Variants in SESTD1 observed in about 807,000 individuals in gnomAD.
The protein encoded by SESTD1 is SEC14 domain and spectrin repeat-containing protein 1.
SESTD1 carries 43 observed loss-of-function variants against 101.7 expected under a neutral mutation model. The ratio of observed to expected loss-of-function variants is 0.42; its 90% CI spans 0.33 to 0.55. The LOEUF is 0.55. SESTD1 is among the 20% of genes least tolerant of loss of function. The probability of loss-of-function intolerance (pLI) is 0.07; values close to 1 mark genes in which losing one functional copy is unlikely to be tolerated. For missense variants in SESTD1, 647 were observed against 815.1 expected, an observed-to-expected ratio of 0.79 and a Z score of 2.51; for synonymous variants, 283 against 286.8, an observed-to-expected ratio of 0.99 and a Z score of 0.13.
At chr2:179,255,544 G>T (rs2047381716) in intron 1 of SESTD1, among the ~76,000 whole-genome samples, 1 of 152,202 alleles carries the variant, frequency 6.6e-6, no homozygotes, top group African/African-American at 2.4e-5. Context: ...TGAGAGGTGA[G>T]GAAGCTCCAG....
intron 13 of SESTD1, among the ~76,000 whole-genome samples, chr2:179,118,707 T>C (rs781500294): frequency 3.9e-5 from 6 of 152,246 alleles, no homozygotes; most frequent in Non-Finnish European, 5.9e-5. Flanking sequence ...TTGATGAAGA[T>C]GGTATCATAC....
chr2:179,162,824 A>G (rs1330882145), intron 5 of SESTD1, among the ~76,000 whole-genome samples: 2 of 1,296 alleles, frequency 1.5e-3, no homozygotes, highest in Non-Finnish European at 8.8e-3. Flanking sequence ...GTCTCTAGTA[A>G]AAAAAAAAAA....
At position 179,172,230 on chromosome 2, in the gene SESTD1, C is replaced by T. The variant is rs779534520; in HGVS notation, c.259G>A (p.Val87Ile). The T allele has an allele frequency of 6.3e-7, 1 of 1,581,602 alleles. No individual in the cohort carries two copies. The highest frequency in any genetic ancestry group is 8.6e-7 in the Non-Finnish European group (1 of 1,158,450). The stretch of plus-strand genomic sequence containing the variant: ...ACAAGGGACACCTCAGCTGGAACAA[C>T]ATTCTATAAAATACAGAAAAATAAT... ...VKTVVVMLQNVVPAEVSLVCV... is the reference protein window; with the variant it reads ...VKTVVVMLQNIVPAEVSLVCV... Residue 87 changes from valine to isoleucine, a missense_variant, in exon 5 of 18, where the codon GTT (valine) becomes ATT (isoleucine). By Grantham distance (29) the Val-to-Ile change is conservative. Transcript: ENST00000428443.
chr2:179,206,727 G>T lies in SESTD1; in HGVS notation c.-25-14861C>A, dbSNP rs183265451. 2.9e-3 allele frequency among the ~76,000 whole-genome samples: 390 copies of T among 135,172 alleles called. 94 individuals carry two copies. Among genetic ancestry groups the T allele is most frequent in the African/African-American group, 0.011 (360 of 34,268 alleles). 88.7% of individuals were successfully genotyped at this position (135,172 alleles called of 152,430 possible). ...AGATACAAGCACAGAAGCCACAGCTGACCATGCAGGTGGGCAGGCAGGGAG... is the reference window on the plus strand; with the variant it reads ...AGATACAAGCACAGAAGCCACAGCTTACCATGCAGGTGGGCAGGCAGGGAG... On this transcript the variant is annotated intron_variant, in intron 1 of 17. Transcript: ENST00000428443.
intron 1 of SESTD1, among the ~76,000 whole-genome samples, chr2:179,226,301 G>A (rs2046884806): frequency 6.6e-6 from 1 of 152,018 alleles, no homozygotes; most frequent in African/African-American, 2.4e-5. Flanking sequence ...GAGAAGACAG[G>A]AGACCAATTC....
chr2:179,236,386 A>G (rs1302207693), intron 1 of SESTD1, among the ~76,000 whole-genome samples: 2 of 150,482 alleles, frequency 1.3e-5, no homozygotes, highest in East Asian at 3.9e-4. Flanking sequence ...AGCCCTAGCT[A>G]CTTGCGAGGC....
chr2:179,128,438 C>T (rs1011250023), intron 10 of SESTD1, among the ~76,000 whole-genome samples: 4 of 151,984 alleles, frequency 2.6e-5, no homozygotes, highest in South Asian at 2.1e-4. Context: ...TCCTAAAAAA[C>T]GGGTATGTAC....
chr2:179,197,744 C>A (rs1482302374), intron 1 of SESTD1, among the ~76,000 whole-genome samples: 30 of 151,974 alleles, frequency 2.0e-4, no homozygotes, highest in Admixed American at 2.0e-3. Flanking sequence ...AAATCCTTTA[C>A]AGACAAGCAA....
chr2:179,261,690 T>G (rs13432031), intron 1 of SESTD1, among the ~76,000 whole-genome samples: 44,096 of 151,588 alleles, frequency 0.29, 6,723 homozygotes, highest in South Asian at 0.44. Context: ...TACATTGCTA[T>G]AACCCTACAT....
At chr2:179,146,290 C>A (rs946405892) in intron 8 of SESTD1, 112 bp downstream of exon 8, 4 of 1,011,238 alleles carry the variant, frequency 4.0e-6, no homozygotes, top group South Asian at 1.5e-5. Flanking sequence ...AAAATTTCCC[C>A]TTGAGTTCCT....
chr2:179,206,559 C>T (rs2046593575), intron 1 of SESTD1, among the ~76,000 whole-genome samples: 1 of 135,474 alleles, frequency 7.4e-6, no homozygotes, highest in Admixed American at 7.1e-5. Flanking sequence ...CACAGAGGTC[C>T]CTTAGGGAAG....
chr2:179,170,902 T>C (rs771160654), intron 5 of SESTD1, among the ~76,000 whole-genome samples: 1 of 152,224 alleles, frequency 6.6e-6, no homozygotes, highest in Non-Finnish European at 1.5e-5. Context: ...ATTCTAGACC[T>C]TGCACTTTGT....
chr2:179,219,221 T>C (rs1032729030), intron 1 of SESTD1, among the ~76,000 whole-genome samples: 5 of 152,142 alleles, frequency 3.3e-5, no homozygotes, highest in African/African-American at 1.2e-4. Context: ...GAAAACAGAA[T>C]TGCAGGCCTT....
chr2:179,260,540 G>GT (rs1464569845), intron 1 of SESTD1, among the ~76,000 whole-genome samples: 4 of 151,962 alleles, frequency 2.6e-5, no homozygotes, highest in African/African-American at 9.7e-5. Context: ...AATTAGAAAG[G>GT]TCATCTCAGA....
chr2:179,171,396 A>T (rs372218437), intron 5 of SESTD1, among the ~76,000 whole-genome samples: 6 of 152,306 alleles, frequency 3.9e-5, no homozygotes, highest in African/African-American at 1.4e-4. Context: ...AAATGAGTGT[A>T]TAGCATGGCA....
intron 10 of SESTD1, among the ~76,000 whole-genome samples, chr2:179,125,904 T>C (rs1390381622): frequency 6.6e-6 from 1 of 152,190 alleles, no homozygotes; most frequent in Non-Finnish European, 1.5e-5. Flanking sequence ...CTCAGAGCTG[T>C]AATAATCAGC....
At chr2:179,198,236 A>C (rs952905715) in intron 1 of SESTD1, among the ~76,000 whole-genome samples, 1 of 152,220 alleles carries the variant, frequency 6.6e-6, no homozygotes, top group African/African-American at 2.4e-5. Flanking sequence ...TAAAGGGATC[A>C]ATTCAACAAG....
In SESTD1 at chr2:179,111,719, C is replaced by CTT. The variant is rs572503441; in HGVS notation, c.1961+1003_1961+1004dup. Among the ~76,000 whole-genome samples, 841 of 135,340 alleles carry CTT rather than the reference C, an allele frequency of 6.2e-3. 9 individuals carry two copies. Among genetic ancestry groups the CTT allele is most frequent in the African/African-American group, 0.02 (749 of 36,872 alleles). 88.8% of individuals were successfully genotyped at this position (135,340 alleles called of 152,430 possible). A position where few individuals can be genotyped will look rare whatever the true frequency, so the allele number is the denominator to read the frequency against. On this transcript the variant is annotated intron_variant, in intron 17 of 17. Coordinates refer to ENST00000428443, the MANE Select transcript of SESTD1 (RefSeq NM_178123.5). Reference sequence around the variant, plus strand: ...ACCAGGGATGAAGCTCCTCCTGATTCTTTTTTTTTTTTTTTTTTGAGACGG... The same window carrying CTT: ...ACCAGGGATGAAGCTCCTCCTGATTCTTTTTTTTTTTTTTTTTTTTGAGACGG...
chr2:179,174,192 A>T (rs962288630), intron 4 of SESTD1, among the ~76,000 whole-genome samples: 1 of 152,196 alleles, frequency 6.6e-6, no homozygotes, highest in Non-Finnish European at 1.5e-5. Flanking sequence ...AGAGAATACC[A>T]GTTATAGGCA....
Sources: gnomAD v4.1 joint callset for allele counts (sites outside exome capture counted in the v4.1 genomes callset) on GRCh38, gnomAD v4.1.1 for gene constraint, MANE v1.5 for transcripts, NCBI Gene and HGNC (gene_info 2026-07-23, HGNC 2026-07-21) for gene names.